Variants in NFRKB observed in about 807,000 individuals in gnomAD.
NFRKB encodes the protein nuclear factor related to kappa-B-binding protein.
NFRKB carries 62 observed loss-of-function variants against 135.7 expected under a neutral mutation model. The observed-to-expected ratio is 0.46, with a 90% CI of 0.37 to 0.56. NFRKB has a LOEUF of 0.56. Ranked by LOEUF, NFRKB falls within the 20% of genes least tolerant of loss-of-function variation. The probability of loss-of-function intolerance (pLI) is 0.00; values close to 1 mark genes in which losing one functional copy is unlikely to be tolerated. For missense variants in NFRKB, 1,545 were observed against 1,662.0 expected (o/e 0.93, Z 1.22); for synonymous variants, 678 against 635.6 (o/e 1.07, Z -1.00).
In NFRKB at chr11:129,863,885, C is replaced by A. The variant is rs1256487125; in HGVS notation, c.*840G>T. 1 of 152,284 alleles carries A rather than the reference C, an allele frequency of 6.6e-6. No individual in the cohort carries two copies. The highest frequency in any genetic ancestry group is 1.5e-5 in the Non-Finnish European group (1 of 68,102). 9.4% of individuals were successfully genotyped at this position (152,284 alleles called of 1,614,324 possible). A position where few individuals can be genotyped will look rare whatever the true frequency, so the allele number is the denominator to read the frequency against. On this transcript the variant is annotated 3_prime_UTR_variant, in exon 27 of 27. Coordinates refer to ENST00000682444, the MANE Select transcript of NFRKB (RefSeq NM_001143835.2). Reference sequence around the variant, plus strand: ...GCAGAAGGTATACTCTGAACTGCAACAAAGTTTCTGCTGCAAAAGCAGCAC... The same window carrying A: ...GCAGAAGGTATACTCTGAACTGCAAAAAAGTTTCTGCTGCAAAAGCAGCAC...
intron 17 of NFRKB, 96 bp from the exon 18 acceptor site, chr11:129,875,559 G>A: frequency 2.2e-6 from 2 of 889,220 alleles, no homozygotes; most frequent in South Asian, 3.3e-5. Context: ...AGCTGCCTGG[G>A]GTTCCTGCTC....
At chr11:129,867,298 T>C (rs1437717125) in intron 24 of NFRKB, among the ~76,000 whole-genome samples, 1 of 151,796 alleles carries the variant, frequency 6.6e-6, no homozygotes, top group Admixed American at 6.6e-5. Context: ...TTTCAACTTC[T>C]ATGATGCAGA....
At position 129,881,784 on chromosome 11, in the gene NFRKB, G is replaced by C. The variant is rs371297388; in HGVS notation, c.1261C>G (p.Pro421Ala). Residue 421 changes from proline (P) to alanine (A), a missense_variant, in exon 12 of 27, where the codon CCC (proline) becomes GCC (alanine). This residue lies in a region of NFRKB where 678 missense variants were observed against 646.7 expected (regional missense o/e 1.05). Transcript: ENST00000682444. ...GGTAGTACCAACTCAGCCCAGTTGG[G>C]GGCCGCAGAGAACCAGCTGTTGAGG... is the stretch of plus-strand genomic sequence containing the variant. ...SSLNSWFSAA[P>A]NWAELVLPAL... is the part of the protein sequence containing the mutation. 52 of 1,613,850 alleles carry C rather than the reference G, an allele frequency of 3.2e-5. No individual in the cohort carries two copies. The highest frequency in any genetic ancestry group is 1.6e-4 in the Middle Eastern group (1 of 6,082).
intron 24 of NFRKB, among the ~76,000 whole-genome samples, chr11:129,868,837 A>C (rs1948345464): frequency 6.6e-6 from 1 of 152,190 alleles, no homozygotes; most frequent in Admixed American, 6.6e-5. Flanking sequence ...CGCGACCAGC[A>C]TGGAGAAACC....
At chr11:129,882,418 C>A (rs1467799396) in intron 10 of NFRKB, 33 bp downstream of exon 10, 2 of 1,606,750 alleles carry the variant, frequency 1.2e-6, no homozygotes, top group Non-Finnish European at 1.7e-6. Flanking sequence ...CCCATTCACC[C>A]TGAGAATTAC....
intron 5 of NFRKB, among the ~76,000 whole-genome samples, 166 bp downstream of exon 5, chr11:129,886,151 T>G (rs111548724): frequency 1.1e-4 from 16 of 152,216 alleles, no homozygotes; most frequent in African/African-American, 3.6e-4. Context: ...CAGGACACAT[T>G]TGAAGTTTAT....
Position 129,878,415 on chromosome 11 carries a change from G to A in NFRKB, c.1464+49C>T, listed in dbSNP as rs368406692. The A allele has an allele frequency of 1.9e-6, 3 of 1,612,210 alleles. No individual in the cohort carries two copies. The South Asian group carries it at 3.3e-5, about 18-fold the overall frequency. On this transcript the variant is annotated intron_variant, in intron 14 of 26. Transcript: ENST00000682444. ...CTAAAGAATTTGGGCAAACTTAAGAGCTCTGGAAACCCAGTGAGAAGGATC... is the reference window on the plus strand; with the variant it reads ...CTAAAGAATTTGGGCAAACTTAAGAACTCTGGAAACCCAGTGAGAAGGATC...
chr11:129,868,905 A>G (rs1469149457), intron 24 of NFRKB, among the ~76,000 whole-genome samples: 2 of 152,168 alleles, frequency 1.3e-5, no homozygotes. Context: ...CTGTAGTCCT[A>G]GCTACTCAGG....
intron 9 of NFRKB, among the ~76,000 whole-genome samples, chr11:129,882,882 C>T (rs1017690663): frequency 1.3e-5 from 2 of 152,112 alleles, no homozygotes; most frequent in African/African-American, 4.8e-5. Context: ...CTCCCCGGTT[C>T]AAGCGATTCT....
chr11:129,875,297 T>C, intron 18 of NFRKB, 60 bp downstream of exon 18: 2 of 1,336,448 alleles, frequency 1.5e-6, no homozygotes, highest in Non-Finnish European at 2.1e-6. Context: ...TTGTATTTCC[T>C]GATAAGTTTT....
chr11:129,886,284 C>A, intron 5 of NFRKB, 33 bp downstream of exon 5: 1 of 1,589,112 alleles, frequency 6.3e-7, no homozygotes, highest in South Asian at 1.1e-5. Context: ...TGTGACTGCC[C>A]ACATTTTATA....
intron 22 of NFRKB, among the ~76,000 whole-genome samples, chr11:129,873,341 T>C (rs751589912): frequency 1.3e-5 from 2 of 152,236 alleles, no homozygotes; most frequent in Non-Finnish European, 2.9e-5. Context: ...AATACTATCT[T>C]ACCCCTTTTA....
intron 26 of NFRKB, 31 bp downstream of exon 26, chr11:129,864,935 G>GAT: frequency 6.2e-7 from 1 of 1,612,364 alleles, no homozygotes; most frequent in Non-Finnish European, 8.5e-7. Context: ...AGAGGAGCCG[G>GAT]ATATGGCCAA....
At chr11:129,884,640 T>C in intron 7 of NFRKB, 105 bp downstream of exon 7, 1 of 1,344,278 alleles carries the variant, frequency 7.4e-7, no homozygotes, top group Middle Eastern at 2.7e-4. Flanking sequence ...GGAGTTTTGT[T>C]TTCCTGGTAG....
intron 15 of NFRKB, among the ~76,000 whole-genome samples, chr11:129,877,961 C>T (rs1948849119): frequency 6.6e-6 from 1 of 152,204 alleles, no homozygotes; most frequent in Admixed American, 6.5e-5. Flanking sequence ...TAACCTTCAG[C>T]AAGTCACTCA....
At position 129,888,704 on chromosome 11, in the gene NFRKB, T is replaced by G; in HGVS notation, c.227A>C (p.Gln76Pro). 1 of 1,614,190 alleles carries G rather than the reference T, an allele frequency of 6.2e-7. No homozygotes were observed. The highest frequency in any genetic ancestry group is 8.5e-7 in the Non-Finnish European group (1 of 1,180,038). ...QREHLQQFLPQFPEDSAEQQN... is the reference protein window; with the variant it reads ...QREHLQQFLPPFPEDSAEQQN... ...CTGCTCAGCACTGTCTTCAGGAAAC[T>G]GGGGCAGAAACTGCTGGAGGTGTTC... Residue 76 changes from glutamine to proline, a missense_variant, in exon 4 of 27, where the codon CAG (glutamine) becomes CCG (proline). Around this residue, in one of 3 missense-constraint regions of NFRKB, gnomAD observed 678 missense variants for 646.7 expected, o/e 1.05. Transcript: ENST00000682444.
intron 3 of NFRKB, among the ~76,000 whole-genome samples, chr11:129,890,641 T>G (rs1212390526): frequency 2.0e-5 from 3 of 152,330 alleles, no homozygotes; most frequent in East Asian, 3.9e-4. Flanking sequence ...ATGTTCAAAA[T>G]ATGGCAAAAC....
At chr11:129,885,957 T>G (rs948780922) in intron 5 of NFRKB, among the ~76,000 whole-genome samples, 31 of 152,240 alleles carry the variant, frequency 2.0e-4, no homozygotes, top group African/African-American at 6.3e-4. Context: ...GGGCCTGTTA[T>G]GCTACCATCC....
Position 129,878,373 on chromosome 11 carries a change from G to C in NFRKB, c.1465-18C>G. 1 of 1,614,108 alleles carries C rather than the reference G, an allele frequency of 6.2e-7. No individual in the cohort carries two copies. The highest frequency in any genetic ancestry group is 8.5e-7 in the Non-Finnish European group (1 of 1,179,994). On this transcript the variant is annotated intron_variant, in intron 14 of 26. Coordinates refer to ENST00000682444, the MANE Select transcript of NFRKB (RefSeq NM_001143835.2). ...TTTTCTTGCTGGAGAAAAAGAAAAC[G>C]TTGACAGGTAAATGGACTAAAGAAT...
Sources: allele counts gnomAD v4.1 joint callset (sites outside exome capture counted in the v4.1 genomes callset), GRCh38; gene constraint gnomAD v4.1.1; regional missense constraint gnomAD v4.1.1; transcripts MANE v1.5; gene names NCBI Gene and HGNC (gene_info 2026-07-23, HGNC 2026-07-21).